Variants in MTSS1 observed in about 807,000 individuals in gnomAD.
The protein encoded by MTSS1 is MTSS I-BAR domain containing 1, also known as protein MTSS 1.
A neutral mutation model predicts 79.0 loss-of-function variants in MTSS1; 18 were observed. The observed-to-expected ratio is 0.23, with a 90% CI of 0.16 to 0.34. The LOEUF (loss-of-function observed/expected upper bound fraction) is 0.34. Among genes scored for constraint, MTSS1 ranks in the 10% least tolerant of loss-of-function variants. The pLI is 1.00. For missense variants in MTSS1, 815 were observed against 986.2 expected (o/e 0.83, Z 2.33); for synonymous variants, 341 against 368.6 (o/e 0.93, Z 0.86).
chr8:124,571,977 GATAAA>G (rs1827891911), intron 6 of MTSS1, among the ~76,000 whole-genome samples: 1 of 151,858 alleles, frequency 6.6e-6, no homozygotes, highest in Admixed American at 6.6e-5. Context: ...TAAATAAATA[GATAAA>G]ATAAAATTAA....
rs984032192 is a variant in MTSS1 at position 124,597,685 on chromosome 8, G to A, written c.209-6450C>T. Among the ~76,000 whole-genome samples the A allele has an allele frequency of 2.6e-5, 4 of 152,212 alleles. No individual in the cohort carries two copies. The highest frequency in any genetic ancestry group is 1.9e-4 in the East Asian group (1 of 5,196). On this transcript the variant is annotated intron_variant, in intron 3 of 13. Transcript: ENST00000518547. This position sits in a 1 kb window ranked among gnomAD's most constrained non-coding sequence, Gnocchi z 4.6. The stretch of plus-strand genomic sequence containing the variant: ...GGTGGCGAGCGAGGACTGAAAAGAC[G>A]TTTTGTCAGGCCCAGCTTCTGCAGC...
chr8:124,659,936 ACTCTCT>A (rs1163003513), intron 3 of MTSS1, among the ~76,000 whole-genome samples: 1 of 151,640 alleles, frequency 6.6e-6, no homozygotes, highest in African/African-American at 2.4e-5. Flanking sequence ...TCTCTTCCTG[ACTCTCT>A]CTCTTACTCC....
intron 3 of MTSS1, among the ~76,000 whole-genome samples, chr8:124,696,687 C>T (rs1312853250): frequency 1.3e-5 from 2 of 151,750 alleles, no homozygotes; most frequent in African/African-American, 2.4e-5. Flanking sequence ...CCTGTCTCTA[C>T]TAAAAATACA....
intron 3 of MTSS1, among the ~76,000 whole-genome samples, chr8:124,591,939 C>T (rs981774998): frequency 2.8e-5 from 4 of 142,670 alleles, no homozygotes; most frequent in African/African-American, 1.1e-4. Context: ...TGCCACCACA[C>T]CCAGCTGATT....
At chr8:124,711,995 G>A (rs1374707755) in intron 1 of MTSS1, among the ~76,000 whole-genome samples, 13 of 148,410 alleles carry the variant, frequency 8.8e-5, no homozygotes, top group Admixed American at 1.3e-4. Flanking sequence ...GTGACAGAGC[G>A]AGACTGTCTC....
intron 3 of MTSS1, among the ~76,000 whole-genome samples, chr8:124,606,044 T>G (rs1834790381): frequency 6.6e-6 from 1 of 150,622 alleles, no homozygotes; most frequent in African/African-American, 2.5e-5. Flanking sequence ...GGTGTGATCT[T>G]GGCTCACTGC....
chr8:124,650,549 T>C (rs1259659596), intron 3 of MTSS1, among the ~76,000 whole-genome samples: 1 of 152,110 alleles, frequency 6.6e-6, no homozygotes, highest in Non-Finnish European at 1.5e-5. Flanking sequence ...GATCCTTCCA[T>C]TTTTACCCCA....
intron 3 of MTSS1, among the ~76,000 whole-genome samples, chr8:124,643,612 C>T (rs1164521887): frequency 5.4e-5 from 8 of 147,506 alleles, no homozygotes; most frequent in South Asian, 4.4e-4. Flanking sequence ...GCAGGAGAAT[C>T]GCTTGAACTG....
chr8:124,703,855 C>T (rs182058916), intron 2 of MTSS1, among the ~76,000 whole-genome samples: 80 of 152,244 alleles, frequency 5.3e-4, no homozygotes, highest in Non-Finnish European at 9.8e-4. Flanking sequence ...AAATGTTACC[C>T]GTTGCTACCT....
At chr8:124,666,356 T>C (rs925818657) in intron 3 of MTSS1, among the ~76,000 whole-genome samples, 5 of 152,154 alleles carry the variant, frequency 3.3e-5, no homozygotes, top group African/African-American at 1.2e-4. Context: ...ATACAAATGC[T>C]AAATAGATGT....
At chr8:124,588,100 T>C (rs1831187342) in intron 5 of MTSS1, among the ~76,000 whole-genome samples, 1 of 152,090 alleles carries the variant, frequency 6.6e-6, no homozygotes, top group Non-Finnish European at 1.5e-5. Context: ...AGGTGCATGA[T>C]GAGGGGAGGG....
chr8:124,632,103 TC>T (rs942381379), intron 3 of MTSS1, among the ~76,000 whole-genome samples: 3 of 145,394 alleles, frequency 2.1e-5, no homozygotes, highest in African/African-American at 7.6e-5. Context: ...ATAGCGAGAC[TC>T]CATCCCTTCA....
At chr8:124,602,188 C>CATACATATATATATATATATATATATAT (rs1554665864) in intron 3 of MTSS1, among the ~76,000 whole-genome samples, 5 of 116,786 alleles carry the variant, frequency 4.3e-5, no homozygotes, top group African/African-American at 2.1e-4. Context: ...CATATATATA[C>CATACATATATATATATATATATATATAT]ATATATATAT....
intron 3 of MTSS1, among the ~76,000 whole-genome samples, chr8:124,611,060 A>G (rs986982784): frequency 2.0e-5 from 3 of 151,362 alleles, no homozygotes; most frequent in Admixed American, 6.6e-5. Flanking sequence ...TGCTGTAGAA[A>G]CAGTGCACGT....
intron 3 of MTSS1, among the ~76,000 whole-genome samples, chr8:124,628,876 G>A (rs999265914): frequency 2.6e-5 from 4 of 152,186 alleles, no homozygotes; most frequent in African/African-American, 9.7e-5. Context: ...AAGCCAGGTG[G>A]TGTCTAGCTC....
chr8:124,641,380 G>A (rs1436047086), intron 3 of MTSS1, among the ~76,000 whole-genome samples: 1 of 152,184 alleles, frequency 6.6e-6, no homozygotes, highest in South Asian at 2.1e-4. Flanking sequence ...AATTAAGATG[G>A]GTTCAAATAA....
At chr8:124,640,075 T>C (rs1817743215) in intron 3 of MTSS1, among the ~76,000 whole-genome samples, 1 of 152,220 alleles carries the variant, frequency 6.6e-6, no homozygotes, top group Admixed American at 6.5e-5. Context: ...TGCTGGACAG[T>C]TGTCCATCTC....
chr8:124,718,588 C>G (rs1832453467), intron 1 of MTSS1, among the ~76,000 whole-genome samples: 1 of 152,168 alleles, frequency 6.6e-6, no homozygotes, highest in Non-Finnish European at 1.5e-5. Flanking sequence ...AAACCAAACT[C>G]AAAGACTTCC....
intron 3 of MTSS1, among the ~76,000 whole-genome samples, chr8:124,648,127 C>T (rs2134116923): frequency 6.6e-6 from 1 of 152,226 alleles, no homozygotes; most frequent in East Asian, 1.9e-4. Context: ...TCACCCCATC[C>T]CAGCATTTCA....
Sources: allele counts gnomAD v4.1 joint callset (sites outside exome capture counted in the v4.1 genomes callset), GRCh38; gene constraint gnomAD v4.1.1; non-coding constraint Gnocchi (gnomAD v3.1); transcripts MANE v1.5; gene names NCBI Gene and HGNC (gene_info 2026-07-23, HGNC 2026-07-21).